GCNT2: variants seen among roughly 807,000 people sequenced by gnomAD.
GCNT2 encodes glucosaminyl (N-acetyl) transferase 2 (I blood group).
Under a neutral mutation model 34.2 loss-of-function variants are expected in GCNT2, and 34 were observed. The observed-to-expected ratio is 1.00, with a 90% CI of 0.76 to 1.32. The LOEUF is 1.32. Among genes scored for constraint, GCNT2 ranks in the 40% most tolerant of loss-of-function variants. The pLI is 0.00. For synonymous variants in GCNT2, 212 were observed against 188.0 expected, an observed-to-expected ratio of 1.13 and a Z score of -1.04; for missense variants, 584 against 489.4, an observed-to-expected ratio of 1.19 and a Z score of -1.82.
chr6:10,590,463 C>G (rs1465535218), intron 3 of GCNT2, among the ~76,000 whole-genome samples: 3 of 151,876 alleles, frequency 2.0e-5, no homozygotes, highest in East Asian at 3.9e-4. Context: ...CCTGGCCCCC[C>G]ACACCCTCTG....
chr6:10,569,869 C>T (rs1385569193), intron 3 of GCNT2, among the ~76,000 whole-genome samples: 1 of 149,792 alleles, frequency 6.7e-6, no homozygotes, highest in Non-Finnish European at 1.5e-5. Context: ...CTCTTTCTTT[C>T]TTTCTTTCTC....
At chr6:10,580,283 A>G (rs1764014567) in intron 3 of GCNT2, among the ~76,000 whole-genome samples, 2 of 150,178 alleles carry the variant, frequency 1.3e-5, no homozygotes, top group African/African-American at 5.0e-5. Context: ...GGGGGTGGGG[A>G]GGGATGCAGG....
intron 3 of GCNT2, among the ~76,000 whole-genome samples, chr6:10,617,749 TC>T (rs1480907373): frequency 8.9e-4 from 91 of 101,852 alleles, no homozygotes; most frequent in African/African-American, 4.1e-3. Context: ...CTGCATTTCT[TC>T]TTTTTTTTTT....
chr6:10,586,659 C>G, intron 3 of GCNT2: 2 of 1,614,116 alleles, frequency 1.2e-6, no homozygotes, highest in Admixed American at 1.7e-5. Context: ...GCCTCCTGAC[C>G]ATGCAATTAA....
At chr6:10,529,935 C>T (rs1581362151) in intron 3 of GCNT2, 99 bp downstream of exon 3, 1 of 998,564 alleles carries the variant, frequency 1.0e-6, no homozygotes, top group Non-Finnish European at 1.5e-6. Context: ...GGACAAACTT[C>T]TTTACGGTTT....
intron 3 of GCNT2, among the ~76,000 whole-genome samples, chr6:10,538,727 C>G (rs1761900752): frequency 6.6e-6 from 1 of 151,826 alleles, no homozygotes; most frequent in African/African-American, 2.4e-5. Context: ...TTTTATGTAT[C>G]CATATATATT....
At chr6:10,599,327 T>C (rs367678949) in intron 3 of GCNT2, among the ~76,000 whole-genome samples, 12 of 152,330 alleles carry the variant, frequency 7.9e-5, no homozygotes, top group East Asian at 5.8e-4. Context: ...GTTAACTGAC[T>C]CTTGAAAAGA....
At chr6:10,559,010 G>T (rs1762846090) in intron 3 of GCNT2, among the ~76,000 whole-genome samples, 1 of 149,594 alleles carries the variant, frequency 6.7e-6, no homozygotes, top group South Asian at 2.1e-4. Context: ...CAGTCAAGTG[G>T]TTCCTTAAGT....
intron 3 of GCNT2, chr6:10,556,189 C>G (rs575301799): frequency 1.4e-6 from 2 of 1,394,874 alleles, no homozygotes; most frequent in Admixed American, 3.1e-5. Flanking sequence ...AGCAACCTGC[C>G]ACGGGGATTT....
intron 3 of GCNT2, chr6:10,574,848 T>C (rs1329548852): frequency 1.3e-5 from 9 of 681,822 alleles, no homozygotes; most frequent in Non-Finnish European, 2.2e-5. Context: ...GGCGCTTCAG[T>C]TGAACCCAGG....
At chr6:10,596,253 G>A (rs1196814439) in intron 3 of GCNT2, among the ~76,000 whole-genome samples, 2 of 152,202 alleles carry the variant, frequency 1.3e-5, no homozygotes, top group African/African-American at 4.8e-5. Flanking sequence ...GCTGGGTGCA[G>A]TGACTCACAC....
At chr6:10,561,712 G>A (rs1468311124) in intron 3 of GCNT2, among the ~76,000 whole-genome samples, 1 of 152,090 alleles carries the variant, frequency 6.6e-6, no homozygotes, top group East Asian at 1.9e-4. Flanking sequence ...TGCTTTTGGA[G>A]TCTTTGCTCA....
intron 1 of GCNT2, among the ~76,000 whole-genome samples, chr6:10,526,051 G>C: frequency 6.6e-6 from 1 of 152,188 alleles, no homozygotes; most frequent in East Asian, 1.9e-4. Flanking sequence ...TATTTCATTT[G>C]ATATGGACAG....
intron 3 of GCNT2, among the ~76,000 whole-genome samples, chr6:10,559,227 C>G (rs770802230): frequency 9.9e-5 from 15 of 152,156 alleles, no homozygotes; most frequent in Non-Finnish European, 2.2e-4. Flanking sequence ...TTACCCCTTT[C>G]TGATCTCTTG....
At chr6:10,614,708 T>G (rs1320224840) in intron 3 of GCNT2, among the ~76,000 whole-genome samples, 1 of 151,574 alleles carries the variant, frequency 6.6e-6, no homozygotes, top group Non-Finnish European at 1.5e-5. Context: ...TTATTACACC[T>G]TAAGTTGCCA....
chr6:10,591,912 C>G (rs1457676457), intron 3 of GCNT2, among the ~76,000 whole-genome samples: 2 of 152,346 alleles, frequency 1.3e-5, no homozygotes, highest in South Asian at 2.1e-4. Context: ...TGGGACCTTA[C>G]GTCTGGGTGT....
At position 10,568,151 on chromosome 6, in the gene GCNT2, C is replaced by T. The variant is rs79971832; in HGVS notation, c.925+38315C>T. On this transcript the variant is annotated intron_variant, in intron 3 of 4. Transcript: ENST00000495262. ...CTCATTTACATCTGCAGTTTCTCAC[C>T]ACCACCTCAGTACTGACCATTCACT... is the stretch of plus-strand genomic sequence containing the variant. Among the ~76,000 whole-genome samples the T allele has an allele frequency of 7.1e-3, 1,076 of 152,210 alleles. 14 individuals carry two copies. Among genetic ancestry groups the T allele is most frequent in the African/African-American group, 0.025 (1,033 of 41,540 alleles).
chr6:10,525,420 C>G (rs1761136922), intron 1 of GCNT2, among the ~76,000 whole-genome samples: 1 of 152,106 alleles, frequency 6.6e-6, no homozygotes, highest in African/African-American at 2.4e-5. Context: ...GATGAACAAT[C>G]TCGCGTCCTT....
At chr6:10,617,380 T>TTCCC (rs1765825206) in intron 3 of GCNT2, among the ~76,000 whole-genome samples, 1 of 151,828 alleles carries the variant, frequency 6.6e-6, no homozygotes, top group Non-Finnish European at 1.5e-5. Flanking sequence ...GCAGCCCTGG[T>TTCCC]TCCCGCCGGC....
Sources: allele counts gnomAD v4.1 joint callset (sites outside exome capture counted in the v4.1 genomes callset), GRCh38; gene constraint gnomAD v4.1.1; transcripts MANE v1.5; gene names NCBI Gene and HGNC (gene_info 2026-07-23, HGNC 2026-07-21).